MYH7B: variants seen among roughly 807,000 people sequenced by gnomAD.
The protein encoded by MYH7B is myosin heavy chain 7B.
In MYH7B, 205 loss-of-function variants were observed where a neutral mutation model predicts 234.5. The observed-to-expected ratio is 0.87, with a 90% CI of 0.78 to 0.98. The LOEUF is 0.98. Ranked by LOEUF, MYH7B falls within the 50% of genes least tolerant of loss-of-function variation. The pLI, the probability that MYH7B is intolerant of heterozygous loss-of-function variation, is 0.00. For synonymous variants in MYH7B, 1,193 were observed against 1,105.0 expected (o/e 1.08, Z -1.58); for missense variants, 2,652 against 2,633.4 (o/e 1.01, Z -0.15).
In MYH7B at chr20:34,990,827, T is replaced by C. The variant is rs777389691; in HGVS notation, c.2065+2T>C. ...TCCCCAACGAGAACAAAACCCCAGG[T>C]AGTCACCCAGGGCTGGCCTGGCTGG... is the stretch of plus-strand genomic sequence containing the variant. On this transcript the variant is annotated splice_donor_variant, in intron 23 of 44. Coordinates refer to ENST00000262873, the Ensembl canonical transcript of MYH7B. LOFTEE classifies it high-confidence loss of function. 2 of 1,613,812 alleles carry C rather than the reference T, an allele frequency of 1.2e-6. No individual in the cohort carries two copies. The highest frequency in any genetic ancestry group is 2.2e-5 in the East Asian group (1 of 44,858).
intron 2 of MYH7B, among the ~76,000 whole-genome samples, chr20:34,967,179 A>G (rs1231778267): frequency 6.6e-6 from 1 of 151,952 alleles, no homozygotes; most frequent in Non-Finnish European, 1.5e-5. Context: ...TAGTGAGCCG[A>G]CATCACGCCA....
Position 34,994,132 on chromosome 20 carries a change from C to G in MYH7B, c.2445-14C>G. On this transcript the variant is annotated splice_polypyrimidine_tract_variant and intron_variant, in intron 26 of 44. Transcript: ENST00000262873. ...GCACTGAGCCACCTTCACAGCTTGG[C>G]TGCCCCTCCCTAGGGATGCGCTGTT... The G allele has an allele frequency of 6.2e-7, 1 of 1,606,804 alleles. No individual in the cohort carries two copies. The highest frequency in any genetic ancestry group is 1.1e-5 in the South Asian group (1 of 90,906).
chr20:34,996,073 G>A (rs1459257812), intron 28 of MYH7B, among the ~76,000 whole-genome samples: 1 of 152,200 alleles, frequency 6.6e-6, no homozygotes, highest in African/African-American at 2.4e-5. Flanking sequence ...CAGCTGCCCT[G>A]AGCACATGCT....
At chr20:34,982,685 T>C in intron 10 of MYH7B, 130 bp downstream of exon 10, 1 of 784,924 alleles carries the variant, frequency 1.3e-6, no homozygotes, top group Non-Finnish European at 1.9e-6. Flanking sequence ...TGCCTGAGCC[T>C]CCCACCCTGG....
Position 34,996,404 on chromosome 20 carries a change from A to G in MYH7B, c.3002A>G (p.Lys1001Arg), listed in dbSNP as rs771511597. 51 of 1,612,740 alleles carry G rather than the reference A, an allele frequency of 3.2e-5. No individual in the cohort carries two copies. The highest frequency in any genetic ancestry group is 4.2e-5 in the Non-Finnish European group (50 of 1,179,648). Residue 1001 changes from lysine (K) to arginine (R), a missense_variant, in exon 29 of 45, where the codon AAG becomes AGG. Physicochemically the swap from Lys to Arg is conservative, Grantham distance 26. Around this residue, in one of 3 missense-constraint regions of MYH7B, gnomAD observed 2,279 missense variants for 2,211.4 expected, o/e 1.03. Coordinates refer to ENST00000262873, the Ensembl canonical transcript of MYH7B. ...GACGAGTCAGTGGCCCGGCTGACCA[A>G]GGAGAAGAAGGCGTTGCAGGAGGCC... is the stretch of plus-strand genomic sequence containing the variant.
chr20:34,967,528 C>G (rs940380203), intron 2 of MYH7B, among the ~76,000 whole-genome samples: 2 of 152,152 alleles, frequency 1.3e-5, no homozygotes, highest in East Asian at 3.9e-4. Context: ...TGATTGACCA[C>G]GATCACAAGG....
chr20:34,987,905 G>T, exon 18 of MYH7B: 1 of 1,598,556 alleles, frequency 6.3e-7, no homozygotes, highest in Non-Finnish European at 8.5e-7. Context: ...CTGGGTTTGA[G>T]ATCTTTGAGG....
At chr20:34,978,079 A>C (rs1397856309) in exon 5 of MYH7B, 1 of 1,613,936 alleles carries the variant, frequency 6.2e-7, no homozygotes, top group Non-Finnish European at 8.5e-7. Flanking sequence ...ACGAAGGTGC[A>C]CACTATCCCA....
At chr20:34,972,112 C>T (rs1217231536) in intron 2 of MYH7B, among the ~76,000 whole-genome samples, 3 of 152,322 alleles carry the variant, frequency 2.0e-5, no homozygotes, top group East Asian at 3.9e-4. Flanking sequence ...CCTTCCAAGC[C>T]GTTCAAGTGG....
exon 32 of MYH7B, chr20:34,997,498 A>C (rs757828045): frequency 6.4e-7 from 1 of 1,573,022 alleles, no homozygotes; most frequent in African/African-American, 1.4e-5. Flanking sequence ...CTGCGGCGCA[A>C]GCAGGCGGAG....
chr20:34,983,946 A>G (rs733086), intron 10 of MYH7B, among the ~76,000 whole-genome samples: 117,724 of 152,186 alleles, frequency 0.77, 45,894 homozygotes, highest in African/African-American at 0.84. Context: ...AGGAAGGGAA[A>G]GTGAGGATGA....
intron 29 of MYH7B, 40 bp downstream of exon 29, chr20:34,996,562 G>T (rs767084339): frequency 6.2e-7 from 1 of 1,601,088 alleles, no homozygotes; most frequent in Non-Finnish European, 8.5e-7. Flanking sequence ...GCGGGGCCGG[G>T]GTGCCGGCTG....
At chr20:34,995,882 G>A (rs1446550285) in intron 28 of MYH7B, among the ~76,000 whole-genome samples, 2 of 152,256 alleles carry the variant, frequency 1.3e-5, no homozygotes. Context: ...CCCCTTGAGG[G>A]CAGGAACTCC....
chr20:34,996,303 T>G (rs1412073652), intron 28 of MYH7B, 43 bp from the exon 29 acceptor site: 1 of 1,545,172 alleles, frequency 6.5e-7, no homozygotes, highest in East Asian at 2.4e-5. Context: ...CCGCTCAGAG[T>G]GCGGGGAAGG....
intron 2 of MYH7B, among the ~76,000 whole-genome samples, chr20:34,960,201 C>A (rs1464336674): frequency 1.3e-5 from 2 of 152,058 alleles, no homozygotes; most frequent in African/African-American, 2.4e-5. Context: ...TTTCTCCCTG[C>A]GAGGGCCTCT....
chr20:34,978,054 G>C lies in MYH7B; in HGVS notation c.49G>C (p.Gly17Arg), dbSNP rs2081884844. 4 of 1,614,096 alleles carry C rather than the reference G, an allele frequency of 2.5e-6. No individual in the cohort carries two copies. The Admixed American group carries it at 6.7e-5, about 27-fold the overall frequency. ...GGAGTCTGCCCGCTACCTCCGCCAG[G>C]GCTACCAGGAGATGACGAAGGTGCA... is the stretch of plus-strand genomic sequence containing the variant. The change falls in exon 5 of 45, where the codon GGC becomes CGC. Residue 17 changes from glycine (G) to arginine (R), a missense_variant. This residue lies in a region of MYH7B where 366 missense variants were observed against 401.2 expected (regional missense o/e 0.91). Coordinates refer to ENST00000262873, the Ensembl canonical transcript of MYH7B.
At chr20:34,991,541 T>A (rs1374517090) in intron 24 of MYH7B, among the ~76,000 whole-genome samples, 1 of 152,164 alleles carries the variant, frequency 6.6e-6, no homozygotes, top group Non-Finnish European at 1.5e-5. Context: ...TTGAAATGCC[T>A]CCAGCAGACA....
At chr20:34,985,808 C>T (rs535307547) in intron 13 of MYH7B, among the ~76,000 whole-genome samples, 3 of 152,218 alleles carry the variant, frequency 2.0e-5, no homozygotes, top group East Asian at 3.9e-4. Flanking sequence ...CACGCACACA[C>T]GCTGACACAC....
intron 27 of MYH7B, among the ~76,000 whole-genome samples, chr20:34,994,922 CTG>C (rs1206737025): frequency 6.6e-6 from 1 of 152,246 alleles, no homozygotes; most frequent in African/African-American, 2.4e-5. Context: ...GTGCAGGAGA[CTG>C]TGACGCAGCT....
Sources: gnomAD v4.1 joint callset for allele counts (sites outside exome capture counted in the v4.1 genomes callset) on GRCh38, gnomAD v4.1.1 for gene constraint, gnomAD v4.1.1 regional missense constraint, MANE v1.5 for transcripts, NCBI Gene and HGNC (gene_info 2026-07-23, HGNC 2026-07-21) for gene names.